Variants in ITGA4 observed in about 807,000 individuals in gnomAD.
ITGA4 encodes integrin alpha-4.
Under a neutral mutation model 133.6 loss-of-function variants are expected in ITGA4, and 63 were observed. The ratio of observed to expected loss-of-function variants is 0.47; its 90% CI spans 0.38 to 0.58. ITGA4 has a LOEUF of 0.58. ITGA4 is among the 20% of genes least tolerant of loss of function. The pLI is 0.00. For missense variants in ITGA4, 1,076 were observed against 1,252.7 expected (o/e 0.86, Z 2.13); for synonymous variants, 483 against 438.0 (o/e 1.10, Z -1.28).
rs1450863233 is a variant in ITGA4 at position 181,516,287 on chromosome 2, A to G, written c.1922+4512A>G. ...TCTGTATCTGCTAGGAATACTTTTA[A>G]TTGCAAGTTTTAGAGTAATTAACTA... On this transcript the variant is annotated intron_variant, in intron 17 of 27. Transcript: ENST00000397033. The surrounding 1 kb of genome is among the most constrained non-coding windows in gnomAD (Gnocchi z 4.0). Among the ~76,000 whole-genome samples, 3 of 152,044 alleles carry G rather than the reference A, an allele frequency of 2.0e-5. No homozygotes were observed. The highest frequency in any genetic ancestry group is 2.1e-4 in the South Asian group (1 of 4,826).
At chr2:181,487,742 A>G (rs3770120) in intron 10 of ITGA4, among the ~76,000 whole-genome samples, 33,995 of 152,196 alleles carry the variant, frequency 0.22, 4,469 homozygotes, top group Non-Finnish European at 0.3. Flanking sequence ...AATATGTGCC[A>G]TAATAAATGA....
intron 5 of ITGA4, 79 bp from the exon 6 acceptor site, chr2:181,480,055 TCTC>T: frequency 1.1e-6 from 1 of 876,800 alleles, no homozygotes; most frequent in South Asian, 2.4e-5. Flanking sequence ...AAAAATATGT[TCTC>T]TTCACTATCG....
In ITGA4 at chr2:181,475,990, C is replaced by CTCA. The variant is rs1553504293; in HGVS notation, c.556+702_556+703insTCA. On this transcript the variant is annotated intron_variant, in intron 4 of 27. Transcript: ENST00000397033. ...TCATAATTTTCTAACCACCCTCACT[C>CTCA]AAAAAAAATCCCTCAGCACGCAAAG... The CTCA allele has an allele frequency of 3.6e-5, 44 of 1,217,220 alleles. No homozygotes were observed. The African/African-American group carries it at 3.9e-4, about 11-fold the overall frequency. The allele number at this position is 1,217,220 out of a possible 1,614,324, so 75.4% of individuals were successfully genotyped here. A position where few individuals can be genotyped will look rare whatever the true frequency, so the allele number is the denominator to read the frequency against.
chr2:181,535,007 GTTATTAGAT>G (rs1385147340), intron 27 of ITGA4, 72 bp downstream of exon 27: 1 of 1,449,426 alleles, frequency 6.9e-7, no homozygotes, highest in Non-Finnish European at 9.2e-7. Context: ...TGACTTCCAA[GTTATTAGAT>G]TTAAATATTT....
chr2:181,507,920 A>G (rs907100782), intron 15 of ITGA4, among the ~76,000 whole-genome samples: 6 of 152,098 alleles, frequency 3.9e-5, no homozygotes, highest in African/African-American at 1.4e-4. Context: ...CACTTTTACT[A>G]TCTAGTGAAG....
At chr2:181,521,718 C>A (rs942384041) in intron 17 of ITGA4, among the ~76,000 whole-genome samples, 12 of 152,166 alleles carry the variant, frequency 7.9e-5, no homozygotes, top group African/African-American at 2.9e-4. Flanking sequence ...AGTTCTTCCT[C>A]ATGCCTTGCT....
At chr2:181,508,781 T>C (rs967041193) in intron 15 of ITGA4, among the ~76,000 whole-genome samples, 1 of 151,932 alleles carries the variant, frequency 6.6e-6, no homozygotes, top group South Asian at 2.1e-4. Context: ...CAATTAGATG[T>C]ACAAAACAAA....
chr2:181,465,964 A>G (rs1447044804), intron 2 of ITGA4, among the ~76,000 whole-genome samples: 1 of 152,154 alleles, frequency 6.6e-6, no homozygotes, highest in African/African-American at 2.4e-5. Flanking sequence ...ATGTATTAAA[A>G]CTGTGGTACG....
At chr2:181,463,655 G>T (rs1472977440) in intron 2 of ITGA4, among the ~76,000 whole-genome samples, 2 of 151,344 alleles carry the variant, frequency 1.3e-5, no homozygotes, top group Non-Finnish European at 2.9e-5. Flanking sequence ...AGGTTTTCTG[G>T]CAAAATGATG....
At chr2:181,512,755 C>T (rs1213808215) in intron 17 of ITGA4, among the ~76,000 whole-genome samples, 1 of 152,046 alleles carries the variant, frequency 6.6e-6, no homozygotes, top group South Asian at 2.1e-4. Flanking sequence ...AAATGGGTAT[C>T]ACTGGCAAAT....
intron 17 of ITGA4, among the ~76,000 whole-genome samples, chr2:181,520,767 C>G (rs945315353): frequency 1.6e-4 from 24 of 152,012 alleles, no homozygotes; most frequent in Non-Finnish European, 2.9e-4. Context: ...CACATCTGTC[C>G]TTTATTATAT....
At position 181,531,651 on chromosome 2, in the gene ITGA4, T is replaced by A. The variant is rs1380011487; in HGVS notation, c.2665-6T>A. ...TTTAATGTAGCACTTTTATATTCCCTTCAAGTACTGCATAAAAGCTGATCC... is the reference window on the plus strand; with the variant it reads ...TTTAATGTAGCACTTTTATATTCCCATCAAGTACTGCATAAAAGCTGATCC... On this transcript the variant is annotated splice_region_variant and splice_polypyrimidine_tract_variant and intron_variant, in intron 24 of 27. Coordinates refer to ENST00000397033, the MANE Select transcript of ITGA4 (RefSeq NM_000885.6). 6.4e-7 allele frequency: 1 copy of A among 1,565,158 alleles called. No homozygotes were observed. Among genetic ancestry groups the A allele is most frequent in the Non-Finnish European group, 8.7e-7 (1 of 1,148,300 alleles).
Position 181,534,804 on chromosome 2 carries a change from T to TAACTC in ITGA4, c.2884-10_2884-6dup. On this transcript the variant is annotated splice_polypyrimidine_tract_variant and intron_variant, in intron 26 of 27. Coordinates refer to ENST00000397033, the MANE Select transcript of ITGA4 (RefSeq NM_000885.6). ...TTTGGTTTTTGAGTTTTATTTTTCT[T>TAACTC]AACTCACGTAGGTTCTACTGGAAGG... 6.3e-7 allele frequency: 1 copy of TAACTC among 1,576,462 alleles called. No homozygotes were observed. The highest frequency in any genetic ancestry group is 8.6e-7 in the Non-Finnish European group (1 of 1,168,320).
chr2:181,475,757 AAGC>A, intron 4 of ITGA4: 2 of 1,546,868 alleles, frequency 1.3e-6, no homozygotes, highest in Admixed American at 2.0e-5. Flanking sequence ...GTTTTCCTTC[AAGC>A]AGCAAGAGAT....
intron 2 of ITGA4, among the ~76,000 whole-genome samples, chr2:181,469,485 A>G (rs1369026978): frequency 3.3e-5 from 5 of 152,182 alleles, no homozygotes; most frequent in African/African-American, 1.2e-4. Context: ...AACTAGTTCA[A>G]CCATTGTGGA....
intron 17 of ITGA4, among the ~76,000 whole-genome samples, chr2:181,515,735 G>A (rs1380270909): frequency 6.6e-6 from 1 of 152,082 alleles, no homozygotes; most frequent in Non-Finnish European, 1.5e-5. Context: ...AAAGTGCTTT[G>A]TGTTTTGGTA....
chr2:181,510,265 T>C (rs1254731323), intron 16 of ITGA4, among the ~76,000 whole-genome samples: 1 of 152,172 alleles, frequency 6.6e-6, no homozygotes. Context: ...CAGACACATG[T>C]ATTTATGTTA....
chr2:181,498,845 G>A (rs1686210612), intron 15 of ITGA4, 68 bp downstream of exon 15: 5 of 1,477,142 alleles, frequency 3.4e-6, no homozygotes, highest in Non-Finnish European at 3.6e-6. Context: ...GCAACTTATT[G>A]TATTGGTATC....
At chr2:181,535,383 AGAG>A (rs1426167542) in intron 27 of ITGA4, 46 bp from the exon 28 acceptor site, 1 of 1,392,772 alleles carries the variant, frequency 7.2e-7, no homozygotes, top group South Asian at 1.3e-5. Context: ...ATAGTAGATA[AGAG>A]AGTGTTCATA....
Sources: allele counts gnomAD v4.1 joint callset (sites outside exome capture counted in the v4.1 genomes callset), GRCh38; gene constraint gnomAD v4.1.1; non-coding constraint Gnocchi (gnomAD v3.1); transcripts MANE v1.5; gene names NCBI Gene and HGNC (gene_info 2026-07-23, HGNC 2026-07-21).